Variants in LPCAT2 observed in about 807,000 individuals in gnomAD.
LPCAT2 encodes 1-AGP acyltransferase 11.
A neutral mutation model predicts 64.7 loss-of-function variants in LPCAT2; 58 were observed. The ratio of observed to expected loss-of-function variants is 0.90; its 90% CI spans 0.73 to 1.12. The LOEUF (loss-of-function observed/expected upper bound fraction) is 1.12, where lower values mean the gene tolerates loss of function less well. LPCAT2 is among the 50% of genes most tolerant of loss of function. The pLI, the probability that LPCAT2 is intolerant of heterozygous loss-of-function variation, is 0.00. For missense variants in LPCAT2, 579 were observed against 669.8 expected (o/e 0.86, Z 1.50); for synonymous variants, 252 against 245.3 (o/e 1.03, Z -0.26).
At chr16:55,537,425 A>G (rs2142387799) in intron 7 of LPCAT2, among the ~76,000 whole-genome samples, 153 bp from the exon 8 acceptor site, 1 of 152,240 alleles carries the variant, frequency 6.6e-6, no homozygotes, top group Middle Eastern at 3.4e-3. Context: ...TCTAGGCCCA[A>G]AAAGTGTTAT....
At chr16:55,567,280 G>T (rs140109507) in intron 11 of LPCAT2, 1 of 1,613,502 alleles carries the variant, frequency 6.2e-7, no homozygotes, top group Non-Finnish European at 8.5e-7. Flanking sequence ...TCTCAGCTGC[G>T]GGGAGCTCTG....
intron 11 of LPCAT2, among the ~76,000 whole-genome samples, chr16:55,555,906 C>T (rs1232789950): frequency 2.0e-5 from 3 of 152,176 alleles, no homozygotes; most frequent in Non-Finnish European, 4.4e-5. Context: ...CCTGTGCCTC[C>T]CGGGTCCAAG....
In LPCAT2 at chr16:55,545,830, A is replaced by G. The variant is rs1228257396; in HGVS notation, c.935+13A>G. The G allele has an allele frequency of 2.6e-6, 4 of 1,567,436 alleles. No individual in the cohort carries two copies. Among genetic ancestry groups the G allele is most frequent in the Non-Finnish European group, 3.5e-6 (4 of 1,143,432 alleles). On this transcript the variant is annotated intron_variant, in intron 9 of 13. Transcript: ENST00000262134. ...ATTTAATGGCAGAGTAAGTGTCTATATTTGATTATAACTCATAAATAATTT... is the reference window on the plus strand; with the variant it reads ...ATTTAATGGCAGAGTAAGTGTCTATGTTTGATTATAACTCATAAATAATTT...
At chr16:55,571,059 AAGGAAAAATAG>A (rs1157734481) in intron 11 of LPCAT2, among the ~76,000 whole-genome samples, 1 of 152,204 alleles carries the variant, frequency 6.6e-6, no homozygotes, top group Admixed American at 6.5e-5. Context: ...ATAACATCAG[AAGGAAAAATAG>A]TCCCTCTTCT....
chr16:55,520,146 A>G (rs1322847186), intron 1 of LPCAT2, among the ~76,000 whole-genome samples: 2 of 152,172 alleles, frequency 1.3e-5, no homozygotes, highest in African/African-American at 2.4e-5. Flanking sequence ...CTATACATTA[A>G]TCCACAATAC....
Position 55,509,369 on chromosome 16 carries a change from T to C in LPCAT2, c.171+17T>C. On this transcript the variant is annotated intron_variant, in intron 1 of 13. Transcript: ENST00000262134. ...CGGGTCCAGGTGAGGGGCGTGGGTC[T>C]GAGGGGAGAGGTGGTCTGAGGGGGG... The C allele has an allele frequency of 7.9e-7, 1 of 1,264,632 alleles. No homozygotes were observed. The highest frequency in any genetic ancestry group is 1.0e-6 in the Non-Finnish European group (1 of 998,266). 78.3% of individuals were successfully genotyped at this position (1,264,632 alleles called of 1,614,324 possible).
intron 10 of LPCAT2, among the ~76,000 whole-genome samples, chr16:55,550,117 A>C (rs977218584): frequency 2.0e-5 from 3 of 152,228 alleles, no homozygotes; most frequent in African/African-American, 7.2e-5. Flanking sequence ...CTGATATAGA[A>C]AATATTATTT....
At chr16:55,548,254 T>C (rs1963476655) in intron 9 of LPCAT2, among the ~76,000 whole-genome samples, 1 of 152,234 alleles carries the variant, frequency 6.6e-6, no homozygotes, top group Admixed American at 6.5e-5. Context: ...TCGGTGTTTT[T>C]CCAGTTCTTA....
intron 11 of LPCAT2, among the ~76,000 whole-genome samples, chr16:55,561,522 G>A (rs954359704): frequency 6.6e-6 from 1 of 151,678 alleles, no homozygotes; most frequent in Non-Finnish European, 1.5e-5. Context: ...TTCTATGATG[G>A]CTTATGAGAA....
At chr16:55,510,445 CGGGGGTTGG>C (rs1320717990) in intron 1 of LPCAT2, among the ~76,000 whole-genome samples, 2 of 7,058 alleles carry the variant, frequency 2.8e-4, no homozygotes, top group Non-Finnish European at 5.2e-4. Flanking sequence ...GTGTGTTCTG[CGGGGGTTGG>C]GGGGGTGGGG....
chr16:55,522,601 G>T (rs1215734396), intron 1 of LPCAT2, among the ~76,000 whole-genome samples: 1 of 151,718 alleles, frequency 6.6e-6, no homozygotes, highest in Admixed American at 6.6e-5. Context: ...CCTGTAGTAA[G>T]TAAGGTGGTG....
At chr16:55,556,658 G>A (rs1963579576) in intron 11 of LPCAT2, among the ~76,000 whole-genome samples, 1 of 152,152 alleles carries the variant, frequency 6.6e-6, no homozygotes, top group Admixed American at 6.5e-5. Context: ...TGAGGCAGGA[G>A]AATGGTGTGA....
intron 8 of LPCAT2, chr16:55,545,397 C>T (rs1297912294): frequency 4.3e-5 from 8 of 187,082 alleles, no homozygotes; most frequent in Admixed American, 1.2e-4. Context: ...AAATGCAGCT[C>T]GAGGAGAAAG....
At chr16:55,535,617 G>A (rs557649663) in intron 7 of LPCAT2, among the ~76,000 whole-genome samples, 4 of 152,250 alleles carry the variant, frequency 2.6e-5, no homozygotes, top group Non-Finnish European at 4.4e-5. Flanking sequence ...CATGTTTCAT[G>A]CCATTACTTA....
At chr16:55,531,784 C>A (rs1203470722) in intron 4 of LPCAT2, 130 bp from the exon 5 acceptor site, 3 of 636,668 alleles carry the variant, frequency 4.7e-6, no homozygotes, top group African/African-American at 3.7e-5. Flanking sequence ...TCATTAGAAT[C>A]AAATGTTAGC....
intron 11 of LPCAT2, chr16:55,566,688 G>C: frequency 6.6e-7 from 1 of 1,507,290 alleles, no homozygotes; most frequent in Admixed American, 2.1e-5. Flanking sequence ...TAAACTACTT[G>C]AACTCCATTT....
chr16:55,528,131 C>G (rs1033370279), intron 2 of LPCAT2, among the ~76,000 whole-genome samples: 3 of 152,116 alleles, frequency 2.0e-5, no homozygotes, highest in African/African-American at 7.2e-5. Context: ...GTAATAATTT[C>G]AAAATACCTA....
intron 13 of LPCAT2, among the ~76,000 whole-genome samples, chr16:55,580,766 G>A (rs1487989162): frequency 2.0e-5 from 3 of 152,146 alleles, no homozygotes; most frequent in Admixed American, 1.3e-4. Context: ...AGTGGCAGGC[G>A]AGTGAGCATT....
chr16:55,565,099 G>A (rs1360066142), intron 11 of LPCAT2, among the ~76,000 whole-genome samples: 1 of 151,908 alleles, frequency 6.6e-6, no homozygotes, highest in Non-Finnish European at 1.5e-5. Context: ...ATTAAAAGAT[G>A]CTCAACATCA....
Sources: allele counts gnomAD v4.1 joint callset (sites outside exome capture counted in the v4.1 genomes callset), GRCh38; gene constraint gnomAD v4.1.1; transcripts MANE v1.5; gene names NCBI Gene and HGNC (gene_info 2026-07-23, HGNC 2026-07-21).